EVI5L: variants seen among roughly 807,000 people sequenced by gnomAD.
EVI5L encodes EVI5-like protein.
EVI5L carries 30 observed loss-of-function variants against 106.1 expected under a neutral mutation model. That is an observed-to-expected ratio of 0.28 (90% confidence interval 0.21 to 0.38). The LOEUF (loss-of-function observed/expected upper bound fraction) is 0.38, where lower values mean the gene tolerates loss of function less well. Ranked by LOEUF, EVI5L falls within the 10% of genes least tolerant of loss-of-function variation. The probability of loss-of-function intolerance (pLI) is 1.00; values close to 1 mark genes in which losing one functional copy is unlikely to be tolerated. For synonymous variants in EVI5L, 489 were observed against 483.3 expected, an observed-to-expected ratio of 1.01 and a Z score of -0.15; for missense variants, 809 against 1,098.0, an observed-to-expected ratio of 0.74 and a Z score of 3.72.
In EVI5L at chr19:7,847,828, C is replaced by T; in HGVS notation, c.234C>T (p.Asn78=). The part of the protein sequence containing the change: ...SLVSSSSASS[N]LSHLEEDTWI... ...TGTCCAGCTCCTCGGCCTCCTCCAACCTGAGCCACCTGGAGGAGGACACGT... is the reference window on the plus strand; with the variant it reads ...TGTCCAGCTCCTCGGCCTCCTCCAATCTGAGCCACCTGGAGGAGGACACGT... The change falls in exon 3 of 20, where the codon AAC becomes AAT. Residue 78 remains asparagine, a synonymous_variant. Coordinates refer to ENST00000538904, the MANE Select transcript of EVI5L (RefSeq NM_001159944.3). 1 of 1,611,128 alleles carries T rather than the reference C, an allele frequency of 6.2e-7. No homozygotes were observed. Among genetic ancestry groups the T allele is most frequent in the South Asian group, 1.1e-5 (1 of 90,456 alleles).
intron 13 of EVI5L, among the ~76,000 whole-genome samples, chr19:7,860,109 C>T (rs1424680125): frequency 6.6e-6 from 1 of 152,218 alleles, no homozygotes; most frequent in African/African-American, 2.4e-5. Flanking sequence ...ACTCTTTCCT[C>T]ATCCTTCCCT....
Position 7,845,629 on chromosome 19 carries a change from G to A in EVI5L, c.-47-867G>A, listed in dbSNP as rs1978917189. ...GCCCAAGGTCACACAGCTGGTTGAGGGGAGCCATGCTTCAGACGCAGATCC... is the reference window on the plus strand; with the variant it reads ...GCCCAAGGTCACACAGCTGGTTGAGAGGAGCCATGCTTCAGACGCAGATCC... On this transcript the variant is annotated intron_variant, in intron 1 of 19. Coordinates refer to ENST00000538904, the MANE Select transcript of EVI5L (RefSeq NM_001159944.3). This position sits in a 1 kb window ranked among gnomAD's most constrained non-coding sequence, Gnocchi z 4.0. Among the ~76,000 whole-genome samples the A allele has an allele frequency of 6.6e-6, 1 of 152,234 alleles. No individual in the cohort carries two copies. Among genetic ancestry groups the A allele is most frequent in the African/African-American group, 2.4e-5 (1 of 41,460 alleles).
At position 7,858,410 on chromosome 19, in the gene EVI5L, C is replaced by G; in HGVS notation, c.1374+79C>G. 1 of 1,460,026 alleles carries G rather than the reference C, an allele frequency of 6.8e-7. No homozygotes were observed. The highest frequency in any genetic ancestry group is 9.0e-7 in the Non-Finnish European group (1 of 1,108,790). 90.4% of individuals were successfully genotyped at this position (1,460,026 alleles called of 1,614,324 possible). A position where few individuals can be genotyped will look rare whatever the true frequency, so the allele number is the denominator to read the frequency against. Reference sequence around the variant, plus strand: ...CCCGCCCAACGGTTTTCTTTCAGGGCTCATAATCTGCCCCGCCTCAGCACC... The same window carrying G: ...CCCGCCCAACGGTTTTCTTTCAGGGGTCATAATCTGCCCCGCCTCAGCACC... On this transcript the variant is annotated intron_variant, in intron 13 of 19. Coordinates refer to ENST00000538904, the MANE Select transcript of EVI5L (RefSeq NM_001159944.3). The surrounding 1 kb of genome is among the most constrained non-coding windows in gnomAD (Gnocchi z 5.7).
intron 1 of EVI5L, among the ~76,000 whole-genome samples, chr19:7,838,704 G>A (rs1268837615): frequency 6.6e-6 from 1 of 152,120 alleles, no homozygotes; most frequent in Non-Finnish European, 1.5e-5. Context: ...AGGCAGGCAG[G>A]CAGGTTTAGA....
In EVI5L at chr19:7,835,910, T is replaced by A. The variant is rs1474928945; in HGVS notation, c.-48+5529T>A. On this transcript the variant is annotated intron_variant, in intron 1 of 19. Transcript: ENST00000538904. The surrounding 1 kb of genome is among the most constrained non-coding windows in gnomAD (Gnocchi z 4.1). Reference sequence around the variant, plus strand: ...CTTTAGATTCCGAAATGAGTCTGTGTCCCTGGTAATCATTAGACATGGAGG... The same window carrying A: ...CTTTAGATTCCGAAATGAGTCTGTGACCCTGGTAATCATTAGACATGGAGG... 2.0e-5 allele frequency among the ~76,000 whole-genome samples: 3 copies of A among 152,084 alleles called. No individual in the cohort carries two copies. Among genetic ancestry groups the A allele is most frequent in the Non-Finnish European group, 2.9e-5 (2 of 68,004 alleles).
chr19:7,863,969 G>A lies in EVI5L; in HGVS notation c.*267G>A, dbSNP rs1046836275. 4.5e-6 allele frequency: 2 copies of A among 446,220 alleles called. No individual in the cohort carries two copies. Among genetic ancestry groups the A allele is most frequent in the Non-Finnish European group, 7.8e-6 (2 of 255,656 alleles). 27.6% of individuals were successfully genotyped at this position (446,220 alleles called of 1,614,324 possible). ...GCCCTCTGGCGTTCCAGGGGTGCCT[G>A]GAGGGGCTGACTGCTCTCTTAACAG... is the stretch of plus-strand genomic sequence containing the variant. On this transcript the variant is annotated 3_prime_UTR_variant, in exon 20 of 20. Coordinates refer to ENST00000538904, the MANE Select transcript of EVI5L (RefSeq NM_001159944.3). The surrounding 1 kb of genome is among the most constrained non-coding windows in gnomAD (Gnocchi z 7.7).
chr19:7,847,924 G>A lies in EVI5L; in HGVS notation c.327+3G>A, dbSNP rs372069618. The stretch of plus-strand genomic sequence containing the variant: ...GCAGGAAGGAGAAGCTGCTCAAGGT[G>A]GGGGGCGGCCAGGCAGGCAGGGCTG... On this transcript the variant is annotated splice_donor_region_variant and intron_variant, in intron 3 of 19. Coordinates refer to ENST00000538904, the MANE Select transcript of EVI5L (RefSeq NM_001159944.3). 2.6e-6 allele frequency: 4 copies of A among 1,541,236 alleles called. No individual in the cohort carries two copies. The Middle Eastern group carries it at 5.9e-4, about 225-fold the overall frequency.
chr19:7,856,791 C>T lies in EVI5L; in HGVS notation c.1201-301C>T, dbSNP rs998097211. ...ACAGTTTTTCCAGCCAGCAGCGGCC[C>T]GGCTGACCCTGGAGGGTGGGACAGT... On this transcript the variant is annotated intron_variant, in intron 11 of 19. Coordinates refer to ENST00000538904, the MANE Select transcript of EVI5L (RefSeq NM_001159944.3). The surrounding 1 kb of genome is among the most constrained non-coding windows in gnomAD (Gnocchi z 6.6). Among the ~76,000 whole-genome samples, 1 of 152,204 alleles carries T rather than the reference C, an allele frequency of 6.6e-6. No individual in the cohort carries two copies. The highest frequency in any genetic ancestry group is 1.5e-5 in the Non-Finnish European group (1 of 68,048).
Position 7,858,496 on chromosome 19 carries a change from A to T in EVI5L, c.1374+165A>T. On this transcript the variant is annotated intron_variant, in intron 13 of 19. Coordinates refer to ENST00000538904, the MANE Select transcript of EVI5L (RefSeq NM_001159944.3). This position sits in a 1 kb window ranked among gnomAD's most constrained non-coding sequence, Gnocchi z 5.7. ...CAGAGACAAGCGCAGATTCTCCCCC[A>T]GCAGCTCCACATTCTGAGACATCCT... The T allele has an allele frequency of 1.2e-6, 1 of 842,170 alleles. No individual in the cohort carries two copies. Among genetic ancestry groups the T allele is most frequent in the South Asian group, 1.8e-5 (1 of 55,094 alleles). 52.2% of individuals were successfully genotyped at this position (842,170 alleles called of 1,614,324 possible).
intron 13 of EVI5L, among the ~76,000 whole-genome samples, chr19:7,860,294 G>A (rs1023393867): frequency 2.0e-5 from 3 of 152,106 alleles, no homozygotes; most frequent in Non-Finnish European, 2.9e-5. Flanking sequence ...CTGGGGTCCC[G>A]CGGGGCATCC....
In EVI5L at chr19:7,833,538, G is replaced by C. The variant is rs944485573; in HGVS notation, c.-48+3157G>C. Among the ~76,000 whole-genome samples the C allele has an allele frequency of 6.6e-5, 10 of 152,358 alleles. No homozygotes were observed. In the East Asian group the frequency reaches 1.9e-3, roughly 29 times the overall value. On this transcript the variant is annotated intron_variant, in intron 1 of 19. Coordinates refer to ENST00000538904, the MANE Select transcript of EVI5L (RefSeq NM_001159944.3). Reference sequence around the variant, plus strand: ...AAAAAAAGCCTGATGCATCCCTGGGGTGTTGGGGAAGGCACAGCAGGGATG... The same window carrying C: ...AAAAAAAGCCTGATGCATCCCTGGGCTGTTGGGGAAGGCACAGCAGGGATG...
In EVI5L at chr19:7,849,346, G is replaced by A. The variant is rs1301994233; in HGVS notation, c.627+16G>A. 1.9e-6 allele frequency: 3 copies of A among 1,613,426 alleles called. No homozygotes were observed. The highest frequency in any genetic ancestry group is 1.3e-5 in the African/African-American group (1 of 74,942). On this transcript the variant is annotated intron_variant, in intron 5 of 19. Coordinates refer to ENST00000538904, the MANE Select transcript of EVI5L (RefSeq NM_001159944.3). ...CCTCATGCAGGTAGGTGGCTGGGGGGTGGCTGGGCTCCTGCCAGACAACAG... is the reference window on the plus strand; with the variant it reads ...CCTCATGCAGGTAGGTGGCTGGGGGATGGCTGGGCTCCTGCCAGACAACAG...
rs2146430518 is a variant in EVI5L, at chr19:7,853,078, C to T, written c.988-8C>T. 2 of 1,613,592 alleles carry T rather than the reference C, an allele frequency of 1.2e-6. No individual in the cohort carries two copies. Among genetic ancestry groups the T allele is most frequent in the East Asian group, 2.2e-5 (1 of 44,872 alleles). Reference sequence around the variant, plus strand: ...TTGGTGACCAGGTGACCGGCTGTGTCCCCACAGTACTTCCAGAGAGTGATC... The same window carrying T: ...TTGGTGACCAGGTGACCGGCTGTGTTCCCACAGTACTTCCAGAGAGTGATC... On this transcript the variant is annotated splice_region_variant and splice_polypyrimidine_tract_variant and intron_variant, in intron 8 of 19. Coordinates refer to ENST00000538904, the MANE Select transcript of EVI5L (RefSeq NM_001159944.3).
At chr19:7,842,747 A>G (rs1213720784) in intron 1 of EVI5L, among the ~76,000 whole-genome samples, 1 of 140,756 alleles carries the variant, frequency 7.1e-6, no homozygotes, top group Non-Finnish European at 1.5e-5. Flanking sequence ...ATGTGTGTGA[A>G]GGTACTGGGT....
Position 7,849,015 on chromosome 19 carries a change from C to A in EVI5L, c.422C>A (p.Ser141Tyr). 6.2e-7 allele frequency: 1 copy of A among 1,613,664 alleles called. No homozygotes were observed. The highest frequency in any genetic ancestry group is 1.3e-5 in the African/African-American group (1 of 75,062). ...GACATGCCCGTCAAGAACCAGTACTCCGAGCTGCTCAAGATGTCCTCGCCG... is the reference window on the plus strand; with the variant it reads ...GACATGCCCGTCAAGAACCAGTACTACGAGCTGCTCAAGATGTCCTCGCCG... ...ATDMPVKNQY[S>Y]ELLKMSSPCE... The change falls in exon 4 of 20, where the codon TCC becomes TAC. Residue 141 changes from serine (S) to tyrosine (Y), a missense_variant. Around this residue, in one of 2 missense-constraint regions of EVI5L, gnomAD observed 357 missense variants for 588.1 expected, o/e 0.61. Transcript: ENST00000538904.
At chr19:7,834,439 T>G (rs1284032502) in intron 1 of EVI5L, among the ~76,000 whole-genome samples, 4 of 152,084 alleles carry the variant, frequency 2.6e-5, no homozygotes, top group African/African-American at 7.2e-5. Flanking sequence ...GAAAGAAAAT[T>G]TTTTTTTAGG....
At position 7,850,701 on chromosome 19, in the gene EVI5L, G is replaced by C. The variant is rs1078586; in HGVS notation, c.753+579G>C. On this transcript the variant is annotated intron_variant, in intron 6 of 19. Transcript: ENST00000538904. The surrounding 1 kb of genome is among the most constrained non-coding windows in gnomAD (Gnocchi z 5.4). ...CTGGATGTGACAGCCCCACTCCCTG[G>C]GCCTGGATCATGGACGGTGCTGTAG... Among the ~76,000 whole-genome samples, 10,777 of 152,194 alleles carry C rather than the reference G, an allele frequency of 0.071. 393 individuals are homozygous for C. The highest frequency in any genetic ancestry group is 0.12 in the Middle Eastern group (36 of 294).
Position 7,857,237 on chromosome 19 carries a change from C to T in EVI5L, c.1233+113C>T, listed in dbSNP as rs1727532071. On this transcript the variant is annotated intron_variant, in intron 12 of 19. Transcript: ENST00000538904. This position sits in a 1 kb window ranked among gnomAD's most constrained non-coding sequence, Gnocchi z 4.5. ...TGCCATTCTGCGGGCAGGCCTGGCG[C>T]CATGCATGGAGCAGCTGGGGACCGC... 1.4e-6 allele frequency: 2 copies of T among 1,427,504 alleles called. No individual in the cohort carries two copies. Among genetic ancestry groups the T allele is most frequent in the South Asian group, 1.2e-5 (1 of 81,380 alleles). 88.4% of individuals were successfully genotyped at this position (1,427,504 alleles called of 1,614,324 possible).
Position 7,856,087 on chromosome 19 carries a change from G to A in EVI5L, c.1200+19G>A. ...AGAGAAGGTGAGGGGCGTGGCCACT[G>A]TGAGGACATGGTCGCCATGGGGTGT... On this transcript the variant is annotated intron_variant, in intron 11 of 19. Transcript: ENST00000538904. This position sits in a 1 kb window ranked among gnomAD's most constrained non-coding sequence, Gnocchi z 6.6. The A allele has an allele frequency of 7.6e-7, 1 of 1,320,024 alleles. No homozygotes were observed. The highest frequency in any genetic ancestry group is 1.5e-5 in the African/African-American group (1 of 66,544). The allele number at this position is 1,320,024 out of a possible 1,614,324, so 81.8% of individuals were successfully genotyped here.
Sources: allele counts gnomAD v4.1 joint callset (sites outside exome capture counted in the v4.1 genomes callset), GRCh38; gene constraint gnomAD v4.1.1; regional missense constraint gnomAD v4.1.1; non-coding constraint Gnocchi (gnomAD v3.1); transcripts MANE v1.5; gene names NCBI Gene and HGNC (gene_info 2026-07-23, HGNC 2026-07-21).